Variants in ZC3H14 observed in about 807,000 individuals in gnomAD.
ZC3H14 encodes the protein zinc finger CCCH domain-containing protein 14.
In ZC3H14, 31 loss-of-function variants were observed where a neutral mutation model predicts 92.4. The ratio of observed to expected loss-of-function variants is 0.34; its 90% CI spans 0.25 to 0.45. The LOEUF is 0.45. Ranked by LOEUF, ZC3H14 falls within the 20% of genes least tolerant of loss-of-function variation. The pLI is 1.00. For synonymous variants in ZC3H14, 321 were observed against 300.9 expected (o/e 1.07, Z -0.69); for missense variants, 781 against 897.3 (o/e 0.87, Z 1.66).
intron 16 of ZC3H14, 37 bp from the exon 17 acceptor site, chr14:88,611,708 C>A (rs2086822250): frequency 1.2e-6 from 2 of 1,613,518 alleles, no homozygotes; most frequent in Admixed American, 3.3e-5. Context: ...GGATACAAAG[C>A]AGATAATTAA....
intron 9 of ZC3H14, among the ~76,000 whole-genome samples, chr14:88,585,461 C>A (rs979236410): frequency 6.6e-6 from 1 of 151,822 alleles, no homozygotes; most frequent in Non-Finnish European, 1.5e-5. Context: ...ACCGCAACCT[C>A]CGACTCCTTG....
rs368987763 is a variant in ZC3H14 at position 88,609,740 on chromosome 14, T to C, written c.2034T>C (p.Ser678=). ...PAVAPPAPPS[S]SQLCRYFPAC... Reference sequence around the variant, plus strand: ...TTGCACCACCAGCACCACCTTCCAGTAGTCAGCTCTGCCGTTACTTCCCTG... The same window carrying C: ...TTGCACCACCAGCACCACCTTCCAGCAGTCAGCTCTGCCGTTACTTCCCTG... Residue 678 remains serine (S), a synonymous_variant, in exon 15 of 17, where the codon AGT becomes AGC. Coordinates refer to ENST00000251038, the MANE Select transcript of ZC3H14 (RefSeq NM_024824.5). The C allele has an allele frequency of 1.6e-5, 26 of 1,614,078 alleles. No homozygotes were observed. Among genetic ancestry groups the C allele is most frequent in the Non-Finnish European group, 2.2e-5 (26 of 1,180,022 alleles).
chr14:88,620,933 TTA>T lies in ZC3H14; in HGVS notation c.*9183_*9184del. On this transcript the variant is annotated 3_prime_UTR_variant, in exon 17 of 17. Transcript: ENST00000251038. This position sits in a 1 kb window ranked among gnomAD's most constrained non-coding sequence, Gnocchi z 4.3. ...TCACTTTGTTTAACATCTTCTGCAT[TTA>T]AAAAAAAAAAAAAAAAGAGTCATAG... 3 of 1,429,304 alleles carry T rather than the reference TTA, an allele frequency of 2.1e-6. No homozygotes were observed. The highest frequency in any genetic ancestry group is 1.4e-5 in the South Asian group (1 of 69,792). 88.5% of individuals were successfully genotyped at this position (1,429,304 alleles called of 1,614,324 possible).
At position 88,625,011 on chromosome 14, in the gene ZC3H14, G is replaced by T. The variant is rs1256189622; in HGVS notation, c.*13260G>T. ...CAGTCACGATAAGTCCATCTCGCAGGGTGGTGTACATGGCAAACACAGGCC... is the reference window on the plus strand; with the variant it reads ...CAGTCACGATAAGTCCATCTCGCAGTGTGGTGTACATGGCAAACACAGGCC... On this transcript the variant is annotated 3_prime_UTR_variant, in exon 17 of 17. Transcript: ENST00000251038. 1 of 1,613,680 alleles carries T rather than the reference G, an allele frequency of 6.2e-7. No individual in the cohort carries two copies. Among genetic ancestry groups the T allele is most frequent in the South Asian group, 1.1e-5 (1 of 91,072 alleles).
intron 9 of ZC3H14, among the ~76,000 whole-genome samples, chr14:88,578,381 GTCC>G (rs999693629): frequency 1.3e-5 from 2 of 152,070 alleles, no homozygotes; most frequent in African/African-American, 4.8e-5. Context: ...GGCTCAAGCA[GTCC>G]TCCTGCCTCA....
At position 88,624,937 on chromosome 14, in the gene ZC3H14, C is replaced by G; in HGVS notation, c.*13186C>G. 1 of 1,609,010 alleles carries G rather than the reference C, an allele frequency of 6.2e-7. No homozygotes were observed. The highest frequency in any genetic ancestry group is 8.5e-7 in the Non-Finnish European group (1 of 1,177,370). ...GCAAACCTCAGGTAGGTCACAAATG[C>G]ATAAATATTCTGTGAAAAGAAAGAG... On this transcript the variant is annotated 3_prime_UTR_variant, in exon 17 of 17. Coordinates refer to ENST00000251038, the MANE Select transcript of ZC3H14 (RefSeq NM_024824.5).
chr14:88,600,855 C>T (rs1030241602), intron 10 of ZC3H14, among the ~76,000 whole-genome samples: 10 of 152,144 alleles, frequency 6.6e-5, no homozygotes, highest in African/African-American at 9.7e-5. Flanking sequence ...GCTGAGCCCA[C>T]CACACACACC....
At position 88,613,244 on chromosome 14, in the gene ZC3H14, G is replaced by A. The variant is rs1468464125; in HGVS notation, c.*1493G>A. On this transcript the variant is annotated 3_prime_UTR_variant, in exon 17 of 17. Coordinates refer to ENST00000251038, the MANE Select transcript of ZC3H14 (RefSeq NM_024824.5). The stretch of plus-strand genomic sequence containing the variant: ...ACAAGTGCATAAGGCTGTTGTCTTC[G>A]GCTTGGGTGAAATGACAGTTCCTCT... 10 of 152,068 alleles carry A rather than the reference G, an allele frequency of 6.6e-5. No homozygotes were observed. Among genetic ancestry groups the A allele is most frequent in the African/African-American group, 1.9e-4 (8 of 41,406 alleles). The allele number at this position is 152,068 out of a possible 1,614,324, so 9.4% of individuals were successfully genotyped here. A position where few individuals can be genotyped will look rare whatever the true frequency, so the allele number is the denominator to read the frequency against.
At chr14:88,567,233 G>T (rs1230437730) in intron 2 of ZC3H14, among the ~76,000 whole-genome samples, 1 of 150,338 alleles carries the variant, frequency 6.7e-6, no homozygotes, top group Non-Finnish European at 1.5e-5. Context: ...CTCCTGCCTC[G>T]GCCTCCCGAG....
At chr14:88,583,721 C>G (rs899108763) in intron 9 of ZC3H14, among the ~76,000 whole-genome samples, 4 of 152,146 alleles carry the variant, frequency 2.6e-5, no homozygotes, top group African/African-American at 9.7e-5. Flanking sequence ...ATTGTTAACA[C>G]TTGCTTAGTG....
In ZC3H14 at chr14:88,621,122, A is replaced by G; in HGVS notation, c.*9371A>G. ...AATTATCTGTACTTACTTTATCAGCAATATCCCAAAGTCTCACTGTCCCAT... is the reference window on the plus strand; with the variant it reads ...AATTATCTGTACTTACTTTATCAGCGATATCCCAAAGTCTCACTGTCCCAT... On this transcript the variant is annotated 3_prime_UTR_variant, in exon 17 of 17. Transcript: ENST00000251038. The G allele has an allele frequency of 6.2e-7, 1 of 1,613,760 alleles. No individual in the cohort carries two copies. Among genetic ancestry groups the G allele is most frequent in the Non-Finnish European group, 8.5e-7 (1 of 1,179,828 alleles).
chr14:88,563,266 C>G (rs1166954918), intron 1 of ZC3H14, 97 bp downstream of exon 1: 8 of 1,542,778 alleles, frequency 5.2e-6, no homozygotes, highest in Non-Finnish European at 7.0e-6. Flanking sequence ...GACGCCGCGG[C>G]CTGGCCTCCG....
In ZC3H14 at chr14:88,563,291, C is replaced by A; in HGVS notation, c.36+122C>A. On this transcript the variant is annotated intron_variant, in intron 1 of 16. Coordinates refer to ENST00000251038, the MANE Select transcript of ZC3H14 (RefSeq NM_024824.5). ...CCTGGCCTCCGCTGGACGCTCCTGG[C>A]GGGCTGCGGCTCCTCCTCGTCCAGG... 5 of 1,530,432 alleles carry A rather than the reference C, an allele frequency of 3.3e-6. No individual in the cohort carries two copies. In the South Asian group the frequency reaches 6.0e-5, roughly 18 times the overall value. The allele number at this position is 1,530,432 out of a possible 1,614,324, so 94.8% of individuals were successfully genotyped here.
chr14:88,571,253 C>T lies in ZC3H14; in HGVS notation c.235+129C>T, dbSNP rs2080351572. 4 of 729,600 alleles carry T rather than the reference C, an allele frequency of 5.5e-6. No homozygotes were observed. In the East Asian group the frequency reaches 1.2e-4, roughly 21 times the overall value. The allele number at this position is 729,600 out of a possible 1,614,324, so 45.2% of individuals were successfully genotyped here. On this transcript the variant is annotated intron_variant, in intron 4 of 16. Transcript: ENST00000251038. The stretch of plus-strand genomic sequence containing the variant: ...GGTTCATTTGAACTTTTTTAGAAAG[C>T]ACATACTTTTATGAACTTAAGAGCA...
At chr14:88,586,469 T>A (rs948202536) in intron 9 of ZC3H14, 8 of 152,190 alleles carry the variant, frequency 5.3e-5, no homozygotes, top group African/African-American at 1.9e-4. Context: ...GGTTGTTAGT[T>A]ATTTGCTCTC....
In ZC3H14 at chr14:88,574,702, T is replaced by C; in HGVS notation, c.871T>C (p.Phe291Leu). 1 of 1,614,074 alleles carries C rather than the reference T, an allele frequency of 6.2e-7. No homozygotes were observed. The highest frequency in any genetic ancestry group is 8.5e-7 in the Non-Finnish European group (1 of 1,179,968). The change falls in exon 7 of 17, where the codon TTT becomes CTT. Residue 291 changes from phenylalanine to leucine, a missense_variant. Transcript: ENST00000251038. ...SEKMSMEDEN[F>L]RKRKLPVVSS... ...TTTTATCTGATTGCAGGATGAAAACTTTCGGAAGAGAAAGTTGCCTGTGGT... is the reference window on the plus strand; with the variant it reads ...TTTTATCTGATTGCAGGATGAAAACCTTCGGAAGAGAAAGTTGCCTGTGGT...
chr14:88,578,278 A>G, intron 9 of ZC3H14, 138 bp downstream of exon 9: 6 of 1,305,758 alleles, frequency 4.6e-6, no homozygotes, highest in South Asian at 1.4e-5. Flanking sequence ...GAAGAATACC[A>G]TGAGGAAGGT....
At chr14:88,589,276 G>T (rs2139869422) in intron 9 of ZC3H14, 1 of 152,216 alleles carries the variant, frequency 6.6e-6, no homozygotes, top group Admixed American at 6.5e-5. Context: ...AGGTTGGTAT[G>T]CTTACACTCC....
Position 88,620,595 on chromosome 14 carries a change from A to T in ZC3H14, c.*8844A>T, listed in dbSNP as rs976296338. 3.1e-5 allele frequency: 17 copies of T among 555,776 alleles called. No homozygotes were observed. The highest frequency in any genetic ancestry group is 4.9e-4 in the Middle Eastern group (1 of 2,022). 34.4% of individuals were successfully genotyped at this position (555,776 alleles called of 1,614,324 possible). Reference sequence around the variant, plus strand: ...GGTTTATAATTTAGCAAGAAGAATTAAGTAGTATACAAACAGCCATATTTT... The same window carrying T: ...GGTTTATAATTTAGCAAGAAGAATTTAGTAGTATACAAACAGCCATATTTT... On this transcript the variant is annotated 3_prime_UTR_variant, in exon 17 of 17. Coordinates refer to ENST00000251038, the MANE Select transcript of ZC3H14 (RefSeq NM_024824.5). The surrounding 1 kb of genome is among the most constrained non-coding windows in gnomAD (Gnocchi z 4.3).
Sources: allele counts gnomAD v4.1 joint callset (sites outside exome capture counted in the v4.1 genomes callset), GRCh38; gene constraint gnomAD v4.1.1; non-coding constraint Gnocchi (gnomAD v3.1); transcripts MANE v1.5; gene names NCBI Gene and HGNC (gene_info 2026-07-23, HGNC 2026-07-21).